The following EP400 variants were observed in gnomAD, a reference collection of about 807,000 sequenced individuals.
EP400 encodes the protein E1A-binding protein p400.
EP400 carries 105 observed loss-of-function variants against 354.1 expected under a neutral mutation model. The observed-to-expected ratio is 0.30, with a 90% CI of 0.25 to 0.35. EP400 has a LOEUF of 0.35. EP400 is among the 10% of genes least tolerant of loss of function. The pLI, the probability that EP400 is intolerant of heterozygous loss-of-function variation, is 1.00. For missense variants in EP400, 3,280 were observed against 4,121.0 expected (o/e 0.80, Z 5.59); for synonymous variants, 1,646 against 1,716.9 (o/e 0.96, Z 1.02).
At chr12:131,975,204 A>C (rs940095631) in intron 2 of EP400, among the ~76,000 whole-genome samples, 1 of 152,174 alleles carries the variant, frequency 6.6e-6, no homozygotes, top group Admixed American at 6.5e-5. Flanking sequence ...GCCGGGGAGC[A>C]GTCAACAGGG....
chr12:132,030,998 A>C (rs1194321502), intron 29 of EP400, among the ~76,000 whole-genome samples: 1 of 152,230 alleles, frequency 6.6e-6, no homozygotes, highest in African/African-American at 2.4e-5. Flanking sequence ...GCTCATGTAC[A>C]CGCTGGAGAG....
Position 132,055,009 on chromosome 12 carries a change from C to G in EP400, c.7764C>G (p.Ser2588Arg). The G allele has an allele frequency of 6.2e-7, 1 of 1,613,860 alleles. No individual in the cohort carries two copies. Residue 2588 changes from serine (S) to arginine (R), a missense_variant, in exon 44 of 53, where the codon AGC becomes AGG. Transcript: ENST00000389561. ...TTAAAACATCAGTTACTGGGACGAG[C>G]ATGCCCACTGGTAAGACAAATACAG... ...GTIKTSVTGT[S>R]MPTGAVSGNV... is the part of the protein sequence containing the mutation.
intron 30 of EP400, among the ~76,000 whole-genome samples, chr12:132,034,268 C>T (rs1399784281): frequency 2.0e-5 from 3 of 152,120 alleles, no homozygotes; most frequent in African/African-American, 4.8e-5. Flanking sequence ...ATGGCCTTAG[C>T]GGTGCAGGAA....
rs190666690 is a variant in EP400 at position 132,067,130 on chromosome 12, C to A, written c.8749+161C>A. The A allele has an allele frequency of 3.5e-6, 4 of 1,143,242 alleles. No homozygotes were observed. In the African/African-American group the frequency reaches 4.7e-5, roughly 13 times the overall value. 70.8% of individuals were successfully genotyped at this position (1,143,242 alleles called of 1,614,324 possible). A position where few individuals can be genotyped will look rare whatever the true frequency, so the allele number is the denominator to read the frequency against. ...CAAACGTGCCTTGGCGCTTTCCAGG[C>A]GCAAGGCTGGGTCCTCAATTGAACT... On this transcript the variant is annotated intron_variant, in intron 49 of 52. Coordinates refer to ENST00000389561, the MANE Select transcript of EP400 (RefSeq NM_015409.5). The surrounding 1 kb of genome is among the most constrained non-coding windows in gnomAD (Gnocchi z 5.3).
At chr12:131,966,903 CAAAAAAAA>C (rs1179689543) in intron 2 of EP400, among the ~76,000 whole-genome samples, 9 of 57,836 alleles carry the variant, frequency 1.6e-4, no homozygotes, top group African/African-American at 4.4e-4. Flanking sequence ...AGACTTGTCT[CAAAAAAAA>C]AAAAAAAAAA....
At chr12:132,048,770 G>A (rs1265354989) in intron 39 of EP400, among the ~76,000 whole-genome samples, 3 of 152,064 alleles carry the variant, frequency 2.0e-5, no homozygotes, top group African/African-American at 7.2e-5. Flanking sequence ...GGCTAGTCTC[G>A]ATCTCCTGAC....
At chr12:132,012,240 C>G (rs1893791686) in intron 16 of EP400, among the ~76,000 whole-genome samples, 2 of 152,078 alleles carry the variant, frequency 1.3e-5, no homozygotes, top group Admixed American at 1.3e-4. Context: ...CTATTGTAGT[C>G]TGTTTTTGGT....
chr12:131,950,917 T>G (rs1425370969), intron 1 of EP400, among the ~76,000 whole-genome samples: 2 of 152,060 alleles, frequency 1.3e-5, no homozygotes, highest in African/African-American at 4.8e-5. Context: ...TATTTTCTTT[T>G]GAGAAAGAGT....
intron 23 of EP400, 70 bp downstream of exon 23, chr12:132,021,391 G>C (rs1038511881): frequency 4.9e-6 from 7 of 1,434,168 alleles, no homozygotes; most frequent in Non-Finnish European, 4.6e-6. Flanking sequence ...AGAACACGGG[G>C]ATGTAGGAGG....
intron 51 of EP400, among the ~76,000 whole-genome samples, chr12:132,073,128 A>G (rs969713431): frequency 3.3e-5 from 5 of 151,288 alleles, no homozygotes; most frequent in African/African-American, 1.2e-4. Context: ...AAGGTTGGGT[A>G]TATTTGAATT....
At chr12:132,056,557 T>A (rs935593104) in intron 45 of EP400, among the ~76,000 whole-genome samples, 2 of 152,292 alleles carry the variant, frequency 1.3e-5, no homozygotes, top group African/African-American at 4.8e-5. Flanking sequence ...ACAATGAGCC[T>A]TGGCCCGTAA....
chr12:132,040,524 G>A lies in EP400; in HGVS notation c.6207+2428G>A, dbSNP rs138001305. 9.4e-4 allele frequency among the ~76,000 whole-genome samples: 143 copies of A among 152,322 alleles called. 1 individual carries two copies. In the East Asian group the frequency reaches 0.027, roughly 29 times the overall value. Reference sequence around the variant, plus strand: ...GGCTGTGTTGTTTCCCAGCAGCATAGTATTTCAACACACAGATTCTTTTGA... The same window carrying A: ...GGCTGTGTTGTTTCCCAGCAGCATAATATTTCAACACACAGATTCTTTTGA... On this transcript the variant is annotated intron_variant, in intron 32 of 52. Coordinates refer to ENST00000389561, the MANE Select transcript of EP400 (RefSeq NM_015409.5).
chr12:131,962,677 A>G (rs1891932040), intron 2 of EP400, among the ~76,000 whole-genome samples: 1 of 152,214 alleles, frequency 6.6e-6, no homozygotes, highest in Admixed American at 6.5e-5. Context: ...AATGGCACAT[A>G]ATAAACCCCC....
chr12:132,059,618 CAGAG>C (rs1895621698), intron 45 of EP400, among the ~76,000 whole-genome samples: 1 of 152,144 alleles, frequency 6.6e-6, no homozygotes, highest in African/African-American at 2.4e-5. Context: ...AATAACTAAA[CAGAG>C]AAGAGAAGGC....
rs780099203 is a variant in EP400 at position 132,006,713 on chromosome 12, C to T, written c.3140C>T (p.Ala1047Val). The change falls in exon 15 of 53, where the codon GCT (alanine) becomes GTT (valine). Residue 1047 changes from alanine (A) to valine (V), a missense_variant. Transcript: ENST00000389561. The part of the protein sequence containing the change: ...ARVTTSVKFN[A>V]PSLLYGALRD... ...TCATCACTGCAGGTCAAGTTTAATGCTCCATCTTTGTTGTATGGGGCTCTC... is the reference window on the plus strand; with the variant it reads ...TCATCACTGCAGGTCAAGTTTAATGTTCCATCTTTGTTGTATGGGGCTCTC... 6.3e-7 allele frequency: 1 copy of T among 1,595,764 alleles called. No individual in the cohort carries two copies. The highest frequency in any genetic ancestry group is 8.5e-7 in the Non-Finnish European group (1 of 1,173,122).
At chr12:132,030,986 A>T (rs562336026) in intron 29 of EP400, among the ~76,000 whole-genome samples, 1 of 152,322 alleles carries the variant, frequency 6.6e-6, no homozygotes, top group African/African-American at 2.4e-5. Flanking sequence ...TCTCACACAC[A>T]CGCTCATGTA....
intron 24 of EP400, among the ~76,000 whole-genome samples, chr12:132,024,670 G>A (rs1413263979): frequency 6.6e-6 from 1 of 151,402 alleles, no homozygotes; most frequent in African/African-American, 2.4e-5. Flanking sequence ...ACCCACAGCA[G>A]CCCCCGCAGC....
intron 12 of EP400, among the ~76,000 whole-genome samples, chr12:132,003,193 A>G (rs901851955): frequency 7.7e-6 from 1 of 129,648 alleles, no homozygotes; most frequent in African/African-American, 2.8e-5. Context: ...AAGAAATATT[A>G]AAAAAAAAAA....
Position 132,029,636 on chromosome 12 carries a change from A to G in EP400, c.5382-65A>G. On this transcript the variant is annotated intron_variant, in intron 27 of 52. Transcript: ENST00000389561. This position sits in a 1 kb window ranked among gnomAD's most constrained non-coding sequence, Gnocchi z 4.7. ...TCAGAAGTCTGCCCCATCTTTCAGG[A>G]GCCCCCATGCTGGGTGAAGGTGTGT... 6.5e-7 allele frequency: 1 copy of G among 1,541,494 alleles called. No individual in the cohort carries two copies. Among genetic ancestry groups the G allele is most frequent in the Admixed American group, 1.7e-5 (1 of 57,756 alleles).
Sources: gnomAD v4.1 joint callset for allele counts (sites outside exome capture counted in the v4.1 genomes callset) on GRCh38, gnomAD v4.1.1 for gene constraint, Gnocchi (gnomAD v3.1) non-coding constraint, MANE v1.5 for transcripts, NCBI Gene and HGNC (gene_info 2026-07-23, HGNC 2026-07-21) for gene names.